The following GPBP1 variants were observed in gnomAD, a reference collection of about 807,000 sequenced individuals.
GPBP1 encodes GC-rich promoter binding protein 1.
Under a neutral mutation model 56.5 loss-of-function variants are expected in GPBP1, and 13 were observed. That is an observed-to-expected ratio of 0.23 (90% CI 0.15 to 0.37). The LOEUF (loss-of-function observed/expected upper bound fraction) is 0.37. GPBP1 is among the 10% of genes least tolerant of loss of function. The pLI is 1.00. For synonymous variants in GPBP1, 204 were observed against 188.9 expected, an observed-to-expected ratio of 1.08 and a Z score of -0.66; for missense variants, 477 against 572.3, an observed-to-expected ratio of 0.83 and a Z score of 1.70.
Position 57,263,685 on chromosome 5 carries a change from A to G in GPBP1, c.*933A>G, listed in dbSNP as rs1742000782. The G allele has an allele frequency of 6.6e-6, 1 of 152,196 alleles. No individual in the cohort carries two copies. Among genetic ancestry groups the G allele is most frequent in the South Asian group, 2.1e-4 (1 of 4,834 alleles). The allele number at this position is 152,196 out of a possible 1,614,324, so 9.4% of individuals were successfully genotyped here. A position where few individuals can be genotyped will look rare whatever the true frequency, so the allele number is the denominator to read the frequency against. Reference sequence around the variant, plus strand: ...TTAAAGTCATACTTTTAAAAGTAATACCTTACTAAAGATGGTGATTACTTT... The same window carrying G: ...TTAAAGTCATACTTTTAAAAGTAATGCCTTACTAAAGATGGTGATTACTTT... On this transcript the variant is annotated 3_prime_UTR_variant, in exon 12 of 12. Coordinates refer to ENST00000506184, the MANE Select transcript of GPBP1 (RefSeq NM_022913.4).
At chr5:57,184,089 G>A (rs1169880052) in intron 2 of GPBP1, among the ~76,000 whole-genome samples, 12 of 151,920 alleles carry the variant, frequency 7.9e-5, no homozygotes, top group African/African-American at 2.7e-4. Flanking sequence ...AAAATTAGCC[G>A]GGCGTGGTGG....
intron 2 of GPBP1, among the ~76,000 whole-genome samples, chr5:57,208,034 A>G (rs1755309693): frequency 1.3e-5 from 2 of 152,068 alleles, no homozygotes; most frequent in African/African-American, 4.8e-5. Flanking sequence ...GTCTTGGGAA[A>G]TGCATCATTT....
At chr5:57,239,625 C>A (rs1740726195) in intron 6 of GPBP1, among the ~76,000 whole-genome samples, 1 of 151,702 alleles carries the variant, frequency 6.6e-6, no homozygotes, top group Non-Finnish European at 1.5e-5. Context: ...ACTAAAAATA[C>A]AAAAATTAGC....
chr5:57,263,749 CAA>C lies in GPBP1; in HGVS notation c.*999_*1000del. 6.6e-6 allele frequency: 1 copy of C among 152,260 alleles called. No individual in the cohort carries two copies. The highest frequency in any genetic ancestry group is 3.4e-3 in the Middle Eastern group (1 of 294). The allele number at this position is 152,260 out of a possible 1,614,324, so 9.4% of individuals were successfully genotyped here. On this transcript the variant is annotated 3_prime_UTR_variant, in exon 12 of 12. Transcript: ENST00000506184. The stretch of plus-strand genomic sequence containing the variant: ...AAGGAAAGCTAAGCGTTTTCATTAT[CAA>C]ATACACAAGCTTATTAAATGAATGA...
chr5:57,239,506 C>T (rs1455473116), intron 6 of GPBP1, among the ~76,000 whole-genome samples: 3 of 152,136 alleles, frequency 2.0e-5, no homozygotes, highest in African/African-American at 7.2e-5. Context: ...ACCAGCTGGG[C>T]GTGGTTGCTC....
rs73757335 is a variant in GPBP1 at position 57,264,229 on chromosome 5, A to C, written c.*1477A>C. 7 of 152,120 alleles carry C rather than the reference A, an allele frequency of 4.6e-5. No homozygotes were observed. The highest frequency in any genetic ancestry group is 4.6e-4 in the Admixed American group (7 of 15,272). 9.4% of individuals were successfully genotyped at this position (152,120 alleles called of 1,614,324 possible). On this transcript the variant is annotated 3_prime_UTR_variant, in exon 12 of 12. Transcript: ENST00000506184. The stretch of plus-strand genomic sequence containing the variant: ...AGAATGGTAATAAAATATTAAATAG[A>C]CCTTATACTTAAAATAAGGTTTCAC...
chr5:57,214,687 G>A (rs1364240523), intron 3 of GPBP1, among the ~76,000 whole-genome samples: 1 of 151,764 alleles, frequency 6.6e-6, no homozygotes, highest in Non-Finnish European at 1.5e-5. Flanking sequence ...ACAGAGCTTT[G>A]CTCTGTCGCC....
intron 6 of GPBP1, 141 bp from the exon 7 acceptor site, chr5:57,246,159 T>C (rs1259163270): frequency 1.1e-5 from 6 of 554,050 alleles, no homozygotes; most frequent in African/African-American, 1.9e-5. Context: ...TTTGTACTTT[T>C]TTAGTTTAGT....
At position 57,230,871 on chromosome 5, in the gene GPBP1, C is replaced by G; in HGVS notation, c.89C>G (p.Ser30Cys). The change falls in exon 4 of 12, where the codon TCT becomes TGT. Residue 30 changes from serine to cysteine, a missense_variant. Physicochemically the swap from Ser to Cys is moderately radical, Grantham distance 112 (BLOSUM62 -1). Around this residue, in one of 2 missense-constraint regions of GPBP1, gnomAD observed 414 missense variants for 458.2 expected, o/e 0.90. Transcript: ENST00000506184. ...TKSSLNFEKH[S>C]ENFAWTENRY... ...TCGTCATTGAATTTTGAGAAGCATT[C>G]TGAAAACTTTGCATGGACAGAGAAT... is the stretch of plus-strand genomic sequence containing the variant. 9 of 1,609,120 alleles carry G rather than the reference C, an allele frequency of 5.6e-6. No homozygotes were observed. In the East Asian group the frequency reaches 8.9e-5, roughly 16 times the overall value.
At chr5:57,220,933 CTT>C (rs1755933225) in intron 3 of GPBP1, among the ~76,000 whole-genome samples, 1 of 152,058 alleles carries the variant, frequency 6.6e-6, no homozygotes, top group South Asian at 2.1e-4. Context: ...CTGCCATAGA[CTT>C]TTGTTTACCC....
intron 8 of GPBP1, 70 bp from the exon 9 acceptor site, chr5:57,249,336 GGTA>G (rs1741250651): frequency 1.3e-5 from 14 of 1,097,544 alleles, no homozygotes; most frequent in Non-Finnish European, 1.7e-5. Flanking sequence ...AGGAAGCTGT[GGTA>G]GTAGTGAATT....
At chr5:57,233,841 ACT>A (rs1163478024) in intron 5 of GPBP1, among the ~76,000 whole-genome samples, 1 of 152,154 alleles carries the variant, frequency 6.6e-6, no homozygotes, top group South Asian at 2.1e-4. Context: ...TGGTAATAGT[ACT>A]CTCATAGTGT....
chr5:57,256,831 C>T (rs140974789), intron 10 of GPBP1, among the ~76,000 whole-genome samples: 6 of 152,210 alleles, frequency 3.9e-5, no homozygotes, highest in South Asian at 4.2e-4. Flanking sequence ...GTTTCAAAGA[C>T]GTATATCAAT....
rs1233639278 is a variant in GPBP1 at position 57,236,423 on chromosome 5, T to A, written c.478+391T>A. 3.3e-5 allele frequency among the ~76,000 whole-genome samples: 5 copies of A among 152,184 alleles called. 1 individual carries two copies. Among genetic ancestry groups the A allele is most frequent in the South Asian group, 4.1e-4 (2 of 4,838 alleles). On this transcript the variant is annotated intron_variant, in intron 6 of 11. Transcript: ENST00000506184. Reference sequence around the variant, plus strand: ...AAATACTTCTGATCATAGTGTGACATGAAGTTAATATTTTTACCTATGAAA... The same window carrying A: ...AAATACTTCTGATCATAGTGTGACAAGAAGTTAATATTTTTACCTATGAAA...
intron 2 of GPBP1, among the ~76,000 whole-genome samples, chr5:57,185,832 T>G (rs1579975926): frequency 6.6e-6 from 1 of 151,886 alleles, no homozygotes; most frequent in East Asian, 1.9e-4. Context: ...AAAACCTGTC[T>G]TTACAAAAAG....
intron 2 of GPBP1, among the ~76,000 whole-genome samples, chr5:57,202,641 A>G (rs1194112604): frequency 1.3e-5 from 2 of 152,068 alleles, no homozygotes; most frequent in African/African-American, 4.8e-5. Context: ...AAGTGATGAC[A>G]TTTTTTGGTA....
intron 2 of GPBP1, among the ~76,000 whole-genome samples, chr5:57,204,075 A>G (rs1755128615): frequency 6.6e-6 from 1 of 152,204 alleles, no homozygotes; most frequent in South Asian, 2.1e-4. Flanking sequence ...AGAATCAACA[A>G]GGGAAGTCTG....
intron 6 of GPBP1, among the ~76,000 whole-genome samples, chr5:57,240,539 G>A (rs1467125923): frequency 1.3e-5 from 2 of 152,250 alleles, no homozygotes; most frequent in East Asian, 1.9e-4. Context: ...TATAATGGTG[G>A]AAGAATATTG....
chr5:57,248,198 G>A (rs1050388484), intron 8 of GPBP1, among the ~76,000 whole-genome samples: 2 of 152,064 alleles, frequency 1.3e-5, no homozygotes, highest in Non-Finnish European at 2.9e-5. Context: ...TATTAACACT[G>A]ATTGGGGGGA....
Sources: gnomAD v4.1 joint callset for allele counts (sites outside exome capture counted in the v4.1 genomes callset) on GRCh38, gnomAD v4.1.1 for gene constraint, gnomAD v4.1.1 regional missense constraint, MANE v1.5 for transcripts, NCBI Gene and HGNC (gene_info 2026-07-23, HGNC 2026-07-21) for gene names.